Variants in TANK observed in about 807,000 individuals in gnomAD.
The protein encoded by TANK is TRAF family member-associated NF-kappa-B activator.
A neutral mutation model predicts 43.6 loss-of-function variants in TANK; 15 were observed. The ratio of observed to expected loss-of-function variants is 0.34; its 90% CI spans 0.23 to 0.53. TANK has a LOEUF of 0.53. Ranked by LOEUF, TANK falls within the 20% of genes least tolerant of loss-of-function variation. TANK has a pLI of 0.94. For synonymous variants in TANK, 162 were observed against 178.2 expected, an observed-to-expected ratio of 0.91 and a Z score of 0.73; for missense variants, 417 against 498.6, an observed-to-expected ratio of 0.84 and a Z score of 1.56.
Position 161,169,352 on chromosome 2 carries a change from G to T in TANK, c.-50+8866G>T, listed in dbSNP as rs1195601979. Reference sequence around the variant, plus strand: ...TTCAGGGAAAAAAGTTTTCAGAAAAGGAAAAGTATCCATGGTATTGTTCAA... The same window carrying T: ...TTCAGGGAAAAAAGTTTTCAGAAAATGAAAAGTATCCATGGTATTGTTCAA... On this transcript the variant is annotated intron_variant, in intron 1 of 7. Transcript: ENST00000392749. Among the ~76,000 whole-genome samples the T allele has an allele frequency of 1.3e-5, 2 of 152,130 alleles. 1 individual carries two copies. The highest frequency in any genetic ancestry group is 6.3e-3 in the Middle Eastern group (2 of 316).
chr2:161,235,459 A>G lies in TANK; in HGVS notation c.1219A>G (p.Ile407Val), dbSNP rs766127758. 6 of 1,613,882 alleles carry G rather than the reference A, an allele frequency of 3.7e-6. No homozygotes were observed. The African/African-American group carries it at 4.0e-5, about 11-fold the overall frequency. ...CTGTCAAGCAGTTTTCCCACCATCC[A>G]TTACATCCAGGGGGGATTTCCTTCG... ...EFCQAVFPPS[I>V]TSRGDFLRHL... Residue 407 changes from isoleucine (I) to valine (V), a missense_variant, in exon 8 of 8, where the codon ATT (isoleucine) becomes GTT (valine). Ile to Val is a conservative substitution (Grantham distance 29). Coordinates refer to ENST00000392749, the MANE Select transcript of TANK (RefSeq NM_001199135.3).
At chr2:161,224,964 A>C (rs1179587871) in intron 6 of TANK, among the ~76,000 whole-genome samples, 1 of 152,156 alleles carries the variant, frequency 6.6e-6, no homozygotes, top group Non-Finnish European at 1.5e-5. Context: ...GGTACTATAT[A>C]GATTAAATTG....
chr2:161,195,816 C>T (rs1017529643), intron 2 of TANK, among the ~76,000 whole-genome samples: 1 of 152,176 alleles, frequency 6.6e-6, no homozygotes, highest in Non-Finnish European at 1.5e-5. Context: ...CGCAGTGGCT[C>T]ATACCTGTAA....
At chr2:161,143,710 G>A (rs961395620) in intron 1 of TANK, among the ~76,000 whole-genome samples, 7 of 152,108 alleles carry the variant, frequency 4.6e-5, no homozygotes, top group South Asian at 2.1e-4. Context: ...TTTTGGATTC[G>A]GTTTGCCAGT....
At chr2:161,211,157 TCAATTATG>T (rs1270591246) in intron 4 of TANK, among the ~76,000 whole-genome samples, 1 of 152,230 alleles carries the variant, frequency 6.6e-6, no homozygotes, top group Non-Finnish European at 1.5e-5. Flanking sequence ...GTCTGCTTCT[TCAATTATG>T]TATAGCAGTT....
chr2:161,212,185 C>G (rs1220848629), intron 4 of TANK: 1 of 309,702 alleles, frequency 3.2e-6, no homozygotes, highest in East Asian at 1.7e-4. Flanking sequence ...CTCAGCCTCC[C>G]GAATAGCTGG....
chr2:161,174,065 A>G (rs1685072321), intron 1 of TANK, among the ~76,000 whole-genome samples: 1 of 152,192 alleles, frequency 6.6e-6, no homozygotes, highest in Non-Finnish European at 1.5e-5. Context: ...ATAGATATTG[A>G]GGAACAAATA....
chr2:161,151,451 TA>T (rs1169402896), intron 1 of TANK, among the ~76,000 whole-genome samples: 8 of 152,166 alleles, frequency 5.3e-5, no homozygotes, highest in African/African-American at 1.9e-4. Flanking sequence ...TGGGCCCTGT[TA>T]TTTGATGGAT....
At chr2:161,139,848 C>G (rs776756211) in intron 1 of TANK, 1 of 985,400 alleles carries the variant, frequency 1.0e-6, no homozygotes, top group Non-Finnish European at 1.2e-6. Flanking sequence ...AGCCTTCTTC[C>G]TATTATGACA....
intron 1 of TANK, among the ~76,000 whole-genome samples, chr2:161,147,823 T>C (rs555762072): frequency 2.6e-4 from 40 of 152,346 alleles, no homozygotes; most frequent in Admixed American, 1.0e-3. Flanking sequence ...TTGAGTTTCA[T>C]CCATGTTGTA....
At chr2:161,164,407 T>C (rs2358017) in intron 1 of TANK, among the ~76,000 whole-genome samples, 6,188 of 152,242 alleles carry the variant, frequency 0.041, 263 homozygotes, top group East Asian at 0.18. Flanking sequence ...TTATCTCCTA[T>C]GCTTGCTGCC....
chr2:161,233,683 A>G (rs995572263), intron 7 of TANK, among the ~76,000 whole-genome samples: 2 of 152,102 alleles, frequency 1.3e-5, no homozygotes, highest in African/African-American at 4.8e-5. Context: ...ATAGAGAAAA[A>G]TGAATATGGA....
chr2:161,210,716 A>G (rs990187965), intron 4 of TANK, among the ~76,000 whole-genome samples: 1 of 151,006 alleles, frequency 6.6e-6, no homozygotes, highest in African/African-American at 2.4e-5. Flanking sequence ...AAAAAAAAAG[A>G]AATTCTAACT....
chr2:161,192,454 A>C (rs925034441), intron 2 of TANK, among the ~76,000 whole-genome samples: 3 of 152,074 alleles, frequency 2.0e-5, no homozygotes, highest in Admixed American at 1.3e-4. Flanking sequence ...CTGGCCTCTA[A>C]ATTGTGTTTT....
intron 2 of TANK, 28 bp from the exon 3 acceptor site, chr2:161,203,459 T>A: frequency 6.7e-7 from 1 of 1,493,480 alleles, no homozygotes; most frequent in Non-Finnish European, 9.3e-7. Context: ...TCAGTGAATA[T>A]CAGGCTAACT....
rs575823884 is a variant in TANK, at chr2:161,236,191, G to GT, written c.*674dup. 5.9e-5 allele frequency: 8 copies of GT among 135,100 alleles called. No homozygotes were observed. Among genetic ancestry groups the GT allele is most frequent in the Non-Finnish European group, 1.2e-4 (8 of 64,562 alleles). 8.4% of individuals were successfully genotyped at this position (135,100 alleles called of 1,614,324 possible). On this transcript the variant is annotated 3_prime_UTR_variant, in exon 8 of 8. Transcript: ENST00000392749. ...AGAGGTACTTATGTTGTGATCATTT[G>GT]TATGTCCTTTGTTCCTGAGTAAAAA...
rs202096130 is a variant in TANK, at chr2:161,180,667, G to A, written c.99+906G>A. ...CAGAAGTCTCCAATTTCACCTACAC[G>A]TTCTGTGATTCCCCAGAAGGATTCA... On this transcript the variant is annotated intron_variant, in intron 2 of 7. Transcript: ENST00000392749. 5.3e-5 allele frequency among the ~76,000 whole-genome samples: 8 copies of A among 152,150 alleles called. No homozygotes were observed. The East Asian group carries it at 1.5e-3, about 29-fold the overall frequency.
upstream of TANK, among the ~76,000 whole-genome samples, chr2:161,158,618 T>A (rs377427466): frequency 2.0e-5 from 3 of 152,380 alleles, no homozygotes; most frequent in South Asian, 2.1e-4. Context: ...AGCTTTAGAC[T>A]CTGAGTATAT....
chr2:161,138,744 T>C (rs1683659284), intron 1 of TANK, among the ~76,000 whole-genome samples: 1 of 152,214 alleles, frequency 6.6e-6, no homozygotes, highest in South Asian at 2.1e-4. Context: ...CATTGAGTCA[T>C]AGAGATAACT....
Sources: allele counts gnomAD v4.1 joint callset (sites outside exome capture counted in the v4.1 genomes callset), GRCh38; gene constraint gnomAD v4.1.1; transcripts MANE v1.5; gene names NCBI Gene and HGNC (gene_info 2026-07-23, HGNC 2026-07-21).